SLC4A5: variants seen among roughly 807,000 people sequenced by gnomAD.
SLC4A5 encodes the protein electrogenic sodium bicarbonate cotransporter 4.
SLC4A5 carries 96 observed loss-of-function variants against 120.4 expected under a neutral mutation model. The ratio of observed to expected loss-of-function variants is 0.80; its 90% CI spans 0.68 to 0.94. The LOEUF is 0.94. Among genes scored for constraint, SLC4A5 ranks in the 40% least tolerant of loss-of-function variants. The pLI is 0.00. For missense variants in SLC4A5, 1,259 were observed against 1,459.5 expected, an observed-to-expected ratio of 0.86 and a Z score of 2.24; for synonymous variants, 550 against 571.1, an observed-to-expected ratio of 0.96 and a Z score of 0.53.
At chr2:74,243,712 G>A (rs1480976586) in intron 19 of SLC4A5, among the ~76,000 whole-genome samples, 1 of 152,150 alleles carries the variant, frequency 6.6e-6, no homozygotes. Flanking sequence ...GATGTCTTCT[G>A]CTTATGCTTA....
chr2:74,219,091 T>TCACAAA (rs906244879), intron 30 of SLC4A5, among the ~76,000 whole-genome samples: 2 of 152,180 alleles, frequency 1.3e-5, no homozygotes, highest in South Asian at 4.2e-4. Context: ...TCTTGTCTTC[T>TCACAAA]CACAAACACA....
At chr2:74,292,114 C>G (rs1344102459) in intron 7 of SLC4A5, among the ~76,000 whole-genome samples, 1 of 152,174 alleles carries the variant, frequency 6.6e-6, no homozygotes, top group Non-Finnish European at 1.5e-5. Context: ...AATAATCACG[C>G]CCCCCTCACT....
intron 8 of SLC4A5, among the ~76,000 whole-genome samples, chr2:74,284,442 AG>A (rs1671916603): frequency 1.4e-5 from 1 of 72,734 alleles, no homozygotes; most frequent in South Asian, 3.8e-4. Context: ...GGCCTCCCAA[AG>A]TGCTGGGATT....
At chr2:74,327,885 G>T (rs1558916093) in intron 5 of SLC4A5, among the ~76,000 whole-genome samples, 1 of 152,148 alleles carries the variant, frequency 6.6e-6, no homozygotes. Context: ...TGTTAATTTG[G>T]AGTGGTTTTG....
intron 3 of SLC4A5, among the ~76,000 whole-genome samples, chr2:74,336,033 A>C (rs958506001): frequency 2.0e-5 from 3 of 152,122 alleles, no homozygotes; most frequent in African/African-American, 7.2e-5. Flanking sequence ...ACCTCAATTA[A>C]TCCTCACAGC....
chr2:74,271,956 G>A (rs1451972686), intron 8 of SLC4A5, among the ~76,000 whole-genome samples: 2 of 152,036 alleles, frequency 1.3e-5, no homozygotes, highest in African/African-American at 4.8e-5. Flanking sequence ...GGTGGCATAT[G>A]CCTGTAGTCC....
intron 11 of SLC4A5, among the ~76,000 whole-genome samples, chr2:74,261,613 A>T (rs914186476): frequency 6.6e-6 from 1 of 152,158 alleles, no homozygotes; most frequent in African/African-American, 2.4e-5. Context: ...AGGTGCATGT[A>T]AAACCTGTCT....
At chr2:74,228,576 G>T (rs911525574) in intron 25 of SLC4A5, among the ~76,000 whole-genome samples, 4 of 152,142 alleles carry the variant, frequency 2.6e-5, no homozygotes, top group African/African-American at 9.7e-5. Flanking sequence ...GTTGCGGTGA[G>T]CTGAGATCGT....
rs749084577 is a variant in SLC4A5, at chr2:74,267,986, AT to A, written c.402-2723del. On this transcript the variant is annotated intron_variant, in intron 8 of 30. Transcript: ENST00000394019. ...GGTAACAGAGTGAGAGTCCGTCTACATTTTTTTTTTTTTTAAAAAAGAGCAC... is the reference window on the plus strand; with the variant it reads ...GGTAACAGAGTGAGAGTCCGTCTACATTTTTTTTTTTTTAAAAAAGAGCAC... 5.2e-3 allele frequency among the ~76,000 whole-genome samples: 744 copies of A among 144,372 alleles called. 3 individuals are homozygous for A. Among genetic ancestry groups the A allele is most frequent in the African/African-American group, 9.8e-3 (388 of 39,712 alleles). The allele number at this position is 144,372 out of a possible 152,430, so 94.7% of individuals were successfully genotyped here.
At chr2:74,300,694 C>T (rs780069525) in intron 7 of SLC4A5, among the ~76,000 whole-genome samples, 1 of 152,170 alleles carries the variant, frequency 6.6e-6, no homozygotes, top group Non-Finnish European at 1.5e-5. Context: ...AACGCACCTC[C>T]CACCAATTTA....
At chr2:74,278,963 A>C (rs1350613063) in intron 8 of SLC4A5, among the ~76,000 whole-genome samples, 2 of 152,106 alleles carry the variant, frequency 1.3e-5, no homozygotes, top group Non-Finnish European at 2.9e-5. Context: ...TCCTCAAACC[A>C]CAGACCGGCC....
intron 28 of SLC4A5, among the ~76,000 whole-genome samples, chr2:74,223,703 A>T (rs573984234): frequency 6.6e-6 from 1 of 152,372 alleles, no homozygotes; most frequent in East Asian, 1.9e-4. Context: ...AAGTATCAAC[A>T]AAAGAAGTAT....
In SLC4A5 at chr2:74,285,835, G is replaced by C. The variant is rs138583126; in HGVS notation, c.339C>G (p.Leu113=). ...GCTGCAGAGTATCCATCTCTGTAAA[G>C]AGGGTGGGGTTGGGAGCCTCATCTT... Residue 113 remains leucine (L), a synonymous_variant, in exon 8 of 31, where the codon CTC becomes CTG. Transcript: ENST00000394019. The C allele has an allele frequency of 3.9e-4, 628 of 1,612,860 alleles. 1 individual carries two copies. Among genetic ancestry groups the C allele is most frequent in the Non-Finnish European group, 5.1e-4 (601 of 1,179,198 alleles).
rs10197629 is a variant in SLC4A5, at chr2:74,294,023, C to T, written c.272-8121G>A. ...AGAGGCAAAGGAAACACTCCGTGAC[C>T]TTGGATAAGGGAGGAAGCTCAGCTG... On this transcript the variant is annotated intron_variant, in intron 7 of 30. Transcript: ENST00000394019. 4.9e-3 allele frequency among the ~76,000 whole-genome samples: 746 copies of T among 152,282 alleles called. 4 individuals carry two copies. The highest frequency in any genetic ancestry group is 0.014 in the African/African-American group (594 of 41,548).
intron 7 of SLC4A5, among the ~76,000 whole-genome samples, chr2:74,291,865 C>G (rs963891581): frequency 1.3e-5 from 2 of 152,236 alleles, no homozygotes; most frequent in African/African-American, 4.8e-5. Context: ...TGCACTGTGG[C>G]TGAGGTTGAC....
intron 11 of SLC4A5, among the ~76,000 whole-genome samples, 195 bp from the exon 12 acceptor site, chr2:74,259,838 T>C (rs1206339513): frequency 6.6e-6 from 1 of 152,196 alleles, no homozygotes; most frequent in Admixed American, 6.5e-5. Flanking sequence ...AAAGAGGTGT[T>C]AGACTCCAGT....
intron 8 of SLC4A5, among the ~76,000 whole-genome samples, chr2:74,276,740 T>C (rs113354922): frequency 8.0e-6 from 1 of 125,238 alleles, no homozygotes; most frequent in Non-Finnish European, 1.6e-5. Flanking sequence ...ATGTGCTCTC[T>C]AGGATATAGC....
intron 12 of SLC4A5, among the ~76,000 whole-genome samples, 200 bp downstream of exon 12, chr2:74,259,388 C>A (rs910836614): frequency 2.0e-5 from 3 of 152,176 alleles, no homozygotes; most frequent in Admixed American, 6.5e-5. Context: ...ACAGAGCCAG[C>A]ACCTGGGACT....
intron 8 of SLC4A5, among the ~76,000 whole-genome samples, chr2:74,277,224 T>C (rs1257475446): frequency 6.6e-6 from 1 of 152,168 alleles, no homozygotes; most frequent in African/African-American, 2.4e-5. Flanking sequence ...GAGATGGAGA[T>C]GCTGGGTGGG....
Sources: gnomAD v4.1 joint callset for allele counts (sites outside exome capture counted in the v4.1 genomes callset) on GRCh38, gnomAD v4.1.1 for gene constraint, MANE v1.5 for transcripts, NCBI Gene and HGNC (gene_info 2026-07-23, HGNC 2026-07-21) for gene names.